Variants in CCDC186 observed in about 807,000 individuals in gnomAD.
CCDC186 encodes coiled-coil domain-containing protein 186.
Under a neutral mutation model 113.7 loss-of-function variants are expected in CCDC186, and 49 were observed. The ratio of observed to expected loss-of-function variants is 0.43; its 90% CI spans 0.34 to 0.55. The LOEUF is 0.55. Ranked by LOEUF, CCDC186 falls within the 20% of genes least tolerant of loss-of-function variation. CCDC186 has a pLI of 0.02. For synonymous variants in CCDC186, 355 were observed against 345.8 expected (o/e 1.03, Z -0.30); for missense variants, 890 against 1,011.1 (o/e 0.88, Z 1.62).
At position 114,121,281 on chromosome 10, in the gene CCDC186, G is replaced by T. The variant is rs531905619; in HGVS notation, c.*3862C>A. The T allele has an allele frequency of 6.6e-6, 1 of 151,990 alleles. No individual in the cohort carries two copies. Among genetic ancestry groups the T allele is most frequent in the Non-Finnish European group, 1.5e-5 (1 of 67,970 alleles). 9.4% of individuals were successfully genotyped at this position (151,990 alleles called of 1,614,324 possible). ...CAAAAAAAATTGCTTTTAAAAAAAG[G>T]TTATTGAAAAATAGGCTACATAAAG... On this transcript the variant is annotated 3_prime_UTR_variant, in exon 16 of 16. Transcript: ENST00000369287.
rs763436490 is a variant in CCDC186 at position 114,162,915 on chromosome 10, T to C, written c.354A>G (p.Ile118Met). ...TNETEQKVTQ[I>M]LVELRSSTFP... ...ATGTAGATGACCTTAATTCCACCAA[T>C]ATTTGTGTTACTTTCTGTTCTGTTT... Residue 118 changes from isoleucine to methionine, a missense_variant, in exon 2 of 16, where the codon ATA (isoleucine) becomes ATG (methionine). Physicochemically the swap from Ile to Met is conservative, Grantham distance 10. Coordinates refer to ENST00000369287, the MANE Select transcript of CCDC186 (RefSeq NM_018017.4). 1.5e-5 allele frequency: 24 copies of C among 1,613,548 alleles called. 1 individual carries two copies. The South Asian group carries it at 2.2e-4, about 15-fold the overall frequency.
chr10:114,129,869 A>C (rs373181005), intron 13 of CCDC186, 22 bp downstream of exon 13: 524 of 1,607,720 alleles, frequency 3.3e-4, no homozygotes, highest in Non-Finnish European at 4.2e-4. Flanking sequence ...TGAAATAACA[A>C]CTAGAGCCAC....
rs1052977618 is a variant in CCDC186 at position 114,127,348 on chromosome 10, A to G, written c.2393+113T>C. The G allele has an allele frequency of 1.6e-5, 15 of 955,036 alleles. No individual in the cohort carries two copies. The East Asian group carries it at 1.8e-4, about 12-fold the overall frequency. 59.2% of individuals were successfully genotyped at this position (955,036 alleles called of 1,614,324 possible). A position where few individuals can be genotyped will look rare whatever the true frequency, so the allele number is the denominator to read the frequency against. ...ATAAAAGACTGGGAACTGAATAACT[A>G]TAATTATTTTTTGAAAGATAGGTTC... On this transcript the variant is annotated intron_variant, in intron 14 of 15. Coordinates refer to ENST00000369287, the MANE Select transcript of CCDC186 (RefSeq NM_018017.4).
intron 3 of CCDC186, among the ~76,000 whole-genome samples, chr10:114,155,178 G>A (rs1206328026): frequency 6.6e-6 from 1 of 152,164 alleles, no homozygotes; most frequent in Non-Finnish European, 1.5e-5. Flanking sequence ...AGGTTGCACA[G>A]GTAAAAGTCA....
intron 14 of CCDC186, 100 bp from the exon 15 acceptor site, chr10:114,126,205 A>G: frequency 3.6e-6 from 3 of 842,592 alleles, no homozygotes; most frequent in Non-Finnish European, 5.5e-6. Flanking sequence ...TAAAATAAAT[A>G]TTAGGTTAAT....
Position 114,136,253 on chromosome 10 carries a change from GA to G in CCDC186, c.1327-8del. 1 of 1,598,264 alleles carries G rather than the reference GA, an allele frequency of 6.3e-7. No homozygotes were observed. On this transcript the variant is annotated splice_region_variant and splice_polypyrimidine_tract_variant and intron_variant, in intron 7 of 15. Coordinates refer to ENST00000369287, the MANE Select transcript of CCDC186 (RefSeq NM_018017.4). ...ATTTAATTTCTTCTGACTCCTAGTG[GA>G]AAGAAAACAAAAAAAGTGTGACAAT...
chr10:114,138,380 G>A (rs1256595522), intron 6 of CCDC186, among the ~76,000 whole-genome samples: 2 of 133,166 alleles, frequency 1.5e-5, no homozygotes, highest in Non-Finnish European at 3.1e-5. Context: ...TGCAACCTCC[G>A]CCTCCTGGGT....
At chr10:114,168,401 C>T (rs1488501980) in intron 1 of CCDC186, 1 of 152,150 alleles carries the variant, frequency 6.6e-6, no homozygotes, top group Non-Finnish European at 1.5e-5. Flanking sequence ...CTTCTGGTTC[C>T]ATTTCCTGTT....
intron 3 of CCDC186, among the ~76,000 whole-genome samples, chr10:114,155,907 G>A (rs769825167): frequency 6.6e-6 from 1 of 152,040 alleles, no homozygotes; most frequent in Non-Finnish European, 1.5e-5. Flanking sequence ...TGCAGCTGGT[G>A]GATGCCACAT....
chr10:114,132,129 T>C lies in CCDC186; in HGVS notation c.1711A>G (p.Ile571Val), dbSNP rs2031108618. 5 of 1,612,546 alleles carry C rather than the reference T, an allele frequency of 3.1e-6. No homozygotes were observed. The highest frequency in any genetic ancestry group is 1.3e-5 in the African/African-American group (1 of 74,908). The change falls in exon 11 of 16, where the codon ATT (isoleucine) becomes GTT (valine). Residue 571 changes from isoleucine (I) to valine (V), a missense_variant. Transcript: ENST00000369287. ...TCGATGTCTTTTTGTAGGTCATTAATCAAAGAATTAAGACTTTCCACTTCT... is the reference window on the plus strand; with the variant it reads ...TCGATGTCTTTTTGTAGGTCATTAACCAAAGAATTAAGACTTTCCACTTCT... ...KEEVESLNSLINDLQKDIEGS... is the reference protein window; with the variant it reads ...KEEVESLNSLVNDLQKDIEGS...
chr10:114,147,040 C>T (rs1391727598), intron 4 of CCDC186, among the ~76,000 whole-genome samples: 1 of 152,138 alleles, frequency 6.6e-6, no homozygotes, highest in African/African-American at 2.4e-5. Flanking sequence ...ATATGATAGG[C>T]CCCGAGGTTG....
intron 1 of CCDC186, among the ~76,000 whole-genome samples, chr10:114,164,338 G>T (rs1002519169): frequency 4.0e-5 from 6 of 151,684 alleles, no homozygotes; most frequent in Admixed American, 2.6e-4. Context: ...GGCCAGGCTG[G>T]TCTCAAACTC....
At chr10:114,135,421 T>C (rs1000898652) in intron 9 of CCDC186, among the ~76,000 whole-genome samples, 1 of 152,168 alleles carries the variant, frequency 6.6e-6, no homozygotes, top group Non-Finnish European at 1.5e-5. Context: ...AAATGAATGA[T>C]ACACATTCAT....
chr10:114,138,054 AAAAAAAAAAAAAAAAAAAATAAAAAAAAT>A, intron 6 of CCDC186, among the ~76,000 whole-genome samples: 1 of 97,350 alleles, frequency 1.0e-5, no homozygotes, highest in Non-Finnish European at 2.0e-5. Context: ...AAAAAAAAAA[AAAAAAAAAAAAAAAAAAAATAAAAAAAAT>A]ACACAAATTA....
At position 114,124,367 on chromosome 10, in the gene CCDC186, T is replaced by G. The variant is rs539825479; in HGVS notation, c.*776A>C. 7.2e-5 allele frequency: 11 copies of G among 152,312 alleles called. No individual in the cohort carries two copies. Among genetic ancestry groups the G allele is most frequent in the African/African-American group, 2.6e-4 (11 of 41,580 alleles). 9.4% of individuals were successfully genotyped at this position (152,312 alleles called of 1,614,324 possible). ...AAGTATTTCAGTTTCAAAGAACTAT[T>G]CTCTCTGTTCTAATGATTGGATCCA... is the stretch of plus-strand genomic sequence containing the variant. On this transcript the variant is annotated 3_prime_UTR_variant, in exon 16 of 16. Coordinates refer to ENST00000369287, the MANE Select transcript of CCDC186 (RefSeq NM_018017.4).
Position 114,169,902 on chromosome 10 carries a change from T to C in CCDC186, c.-62+4113A>G, listed in dbSNP as rs560256662. 1.4e-4 allele frequency among the ~76,000 whole-genome samples: 21 copies of C among 152,272 alleles called. No individual in the cohort carries two copies. The East Asian group carries it at 3.5e-3, about 25-fold the overall frequency. ...CTGGATAAAGCTAGCTACCTACTTATTTATTTATGTGTAGAAACAGGGTCT... is the reference window on the plus strand; with the variant it reads ...CTGGATAAAGCTAGCTACCTACTTACTTATTTATGTGTAGAAACAGGGTCT... On this transcript the variant is annotated intron_variant, in intron 1 of 15. Transcript: ENST00000369287.
intron 3 of CCDC186, among the ~76,000 whole-genome samples, chr10:114,155,524 A>T (rs2031984707): frequency 6.6e-6 from 1 of 152,026 alleles, no homozygotes; most frequent in Non-Finnish European, 1.5e-5. Context: ...AAAATATAAA[A>T]ACTAGCCAGG....
At chr10:114,138,066 AAAAAAAATAAAAAAAAT>A (rs1564908442) in intron 6 of CCDC186, among the ~76,000 whole-genome samples, 12 of 63,068 alleles carry the variant, frequency 1.9e-4, no homozygotes, top group African/African-American at 9.9e-4. Context: ...AAAAAAAAAA[AAAAAAAATAAAAAAAAT>A]ACACAAATTA....
Position 114,127,595 on chromosome 10 carries a change from A to G in CCDC186, c.2259T>C (p.Phe753=), listed in dbSNP as rs1299971303. 3.1e-6 allele frequency: 5 copies of G among 1,613,894 alleles called. No homozygotes were observed. Among genetic ancestry groups the G allele is most frequent in the South Asian group, 1.1e-5 (1 of 91,090 alleles). ...NTGSSVAVDN[F]PQVDKAMLIE... ...TCAACATGGCCTTATCTACTTGTGG[A>G]AAGTTATCCACAGCTACTGAGGACC... The change falls in exon 14 of 16, where the codon TTT becomes TTC. Residue 753 remains phenylalanine (F), a synonymous_variant. Coordinates refer to ENST00000369287, the MANE Select transcript of CCDC186 (RefSeq NM_018017.4).
Sources: allele counts gnomAD v4.1 joint callset (sites outside exome capture counted in the v4.1 genomes callset), GRCh38; gene constraint gnomAD v4.1.1; transcripts MANE v1.5; gene names NCBI Gene and HGNC (gene_info 2026-07-23, HGNC 2026-07-21).